The following ADAM22 variants were observed in gnomAD, a reference collection of about 807,000 sequenced individuals.
ADAM22 encodes the protein disintegrin and metalloproteinase domain-containing protein 22.
ADAM22 carries 65 observed loss-of-function variants against 144.6 expected under a neutral mutation model. The observed-to-expected ratio is 0.45, with a 90% CI of 0.37 to 0.55. ADAM22 has a LOEUF of 0.55. ADAM22 is among the 20% of genes least tolerant of loss of function. The pLI, the probability that ADAM22 is intolerant of heterozygous loss-of-function variation, is 0.00. For missense variants in ADAM22, 974 were observed against 1,184.9 expected, an observed-to-expected ratio of 0.82 and a Z score of 2.61; for synonymous variants, 391 against 412.6, an observed-to-expected ratio of 0.95 and a Z score of 0.63.
intron 3 of ADAM22, among the ~76,000 whole-genome samples, chr7:88,068,876 A>G (rs1279034979): frequency 6.6e-6 from 1 of 152,168 alleles, no homozygotes; most frequent in African/African-American, 2.4e-5. Context: ...TACATGCATG[A>G]AAATGGAATC....
At chr7:88,125,410 C>A (rs1830171222) in intron 7 of ADAM22, among the ~76,000 whole-genome samples, 179 bp from the exon 8 acceptor site, 1 of 151,868 alleles carries the variant, frequency 6.6e-6, no homozygotes, top group South Asian at 2.1e-4. Context: ...AAATTATATT[C>A]ATCCTTTATA....
In ADAM22 at chr7:88,196,786, T is replaced by C. The variant is rs1586688259; in HGVS notation, c.*295T>C. On this transcript the variant is annotated 3_prime_UTR_variant, in exon 32 of 32. Transcript: ENST00000413139. ...GCATGACAGATAATATGTAGAAATA[T>C]TCATAAAGTTAACTCACATGACCCA... The C allele has an allele frequency of 7.6e-6, 3 of 392,364 alleles. No individual in the cohort carries two copies. In the East Asian group the frequency reaches 1.4e-4, roughly 18 times the overall value. The allele number at this position is 392,364 out of a possible 1,614,324, so 24.3% of individuals were successfully genotyped here.
intron 26 of ADAM22, among the ~76,000 whole-genome samples, chr7:88,173,220 T>G (rs1268064988): frequency 5.3e-5 from 8 of 152,056 alleles, no homozygotes; most frequent in Non-Finnish European, 8.8e-5. Flanking sequence ...CATTTTCACA[T>G]GAAGAATCTC....
chr7:88,184,248 C>T (rs572957044), intron 29 of ADAM22: 9 of 278,108 alleles, frequency 3.2e-5, no homozygotes, highest in Non-Finnish European at 5.9e-5. Context: ...GATGTAAAAA[C>T]ATTTTTTGGC....
chr7:88,113,716 A>G (rs1440532703), intron 5 of ADAM22, among the ~76,000 whole-genome samples: 6 of 111,704 alleles, frequency 5.4e-5, no homozygotes, highest in African/African-American at 1.5e-4. Context: ...ATATATATAT[A>G]TATATATATA....
At chr7:87,975,166 A>G (rs1851610915) in intron 2 of ADAM22, among the ~76,000 whole-genome samples, 2 of 151,964 alleles carry the variant, frequency 1.3e-5, no homozygotes, top group Admixed American at 6.6e-5. Flanking sequence ...CCTGGATATT[A>G]CCTCCTTCTG....
chr7:88,112,189 A>G (rs899337576), intron 5 of ADAM22, among the ~76,000 whole-genome samples: 3 of 152,240 alleles, frequency 2.0e-5, no homozygotes, highest in Non-Finnish European at 4.4e-5. Flanking sequence ...TACAAACTGC[A>G]TCTGTTTATG....
chr7:88,075,679 C>G lies in ADAM22; in HGVS notation c.377C>G (p.Thr126Ser). The G allele has an allele frequency of 6.2e-7, 1 of 1,613,536 alleles. No individual in the cohort carries two copies. The highest frequency in any genetic ancestry group is 8.5e-7 in the Non-Finnish European group (1 of 1,179,794). The change falls in exon 4 of 32, where the codon ACT becomes AGT. Residue 126 changes from threonine (T) to serine (S), a missense_variant. This residue lies in a region of ADAM22 where 240 missense variants were observed against 234.3 expected (regional missense o/e 1.02). Transcript: ENST00000413139. ...AGACACATTGAACATGGAGGCAAGA[C>G]TGTGGAAGTTAAAGTAAGTGAAATT... Reference protein sequence around the residue: ...IERHIEHGGKTVEVKGGEHCY... With the variant: ...IERHIEHGGKSVEVKGGEHCY...
Position 88,172,747 on chromosome 7 carries a change from G to A in ADAM22, c.2300+1186G>A, listed in dbSNP as rs1413879735. ...CTAGAGTGACTAACTCATCATTAAT[G>A]GAAAAAGTAAAACTGGGACAAAATT... is the stretch of plus-strand genomic sequence containing the variant. On this transcript the variant is annotated intron_variant, in intron 26 of 31. Coordinates refer to ENST00000413139, the MANE Select transcript of ADAM22 (RefSeq NM_001324418.2). 2.6e-5 allele frequency among the ~76,000 whole-genome samples: 4 copies of A among 151,880 alleles called. No homozygotes were observed. In the East Asian group the frequency reaches 7.7e-4, roughly 29 times the overall value.
At chr7:88,136,516 C>A (rs535926562) in intron 14 of ADAM22, among the ~76,000 whole-genome samples, 7 of 152,192 alleles carry the variant, frequency 4.6e-5, no homozygotes, top group African/African-American at 1.7e-4. Flanking sequence ...AATGTACAAT[C>A]TGCTCTCCCG....
chr7:87,955,750 C>G (rs1846518492), intron 2 of ADAM22, among the ~76,000 whole-genome samples: 1 of 152,226 alleles, frequency 6.6e-6, no homozygotes, highest in African/African-American at 2.4e-5. Flanking sequence ...CAGAGGCAGG[C>G]AGGCCTCCTT....
At chr7:88,190,004 T>C (rs1023799444) in intron 30 of ADAM22, among the ~76,000 whole-genome samples, 10 of 152,126 alleles carry the variant, frequency 6.6e-5, no homozygotes, top group Admixed American at 5.9e-4. Context: ...AAAACTCACA[T>C]ATGAACACAA....
At chr7:88,104,952 T>G (rs375303948) in intron 4 of ADAM22, among the ~76,000 whole-genome samples, 17 of 152,286 alleles carry the variant, frequency 1.1e-4, no homozygotes, top group East Asian at 7.7e-4. Context: ...TGACTCCTAT[T>G]TTTTTCAAAT....
chr7:87,934,551 G>T lies in ADAM22; in HGVS notation c.85+1G>T. On this transcript the variant is annotated splice_donor_variant, in intron 1 of 31. Transcript: ENST00000413139. LOFTEE classifies it high-confidence loss of function. ...CCTCCGGCGCGCTGCGGCCAGGCAGGTAAGTTAGCCGTCCTCTGTGCCTTT... is the reference window on the plus strand; with the variant it reads ...CCTCCGGCGCGCTGCGGCCAGGCAGTTAAGTTAGCCGTCCTCTGTGCCTTT... 1 of 1,606,524 alleles carries T rather than the reference G, an allele frequency of 6.2e-7. No homozygotes were observed. The highest frequency in any genetic ancestry group is 8.5e-7 in the Non-Finnish European group (1 of 1,179,136).
At position 88,199,132 on chromosome 7, in the gene ADAM22, G is replaced by A. The variant is rs1241733851; in HGVS notation, c.*2641G>A. 7 of 152,170 alleles carry A rather than the reference G, an allele frequency of 4.6e-5. No homozygotes were observed. The highest frequency in any genetic ancestry group is 7.3e-5 in the Non-Finnish European group (5 of 68,038). The allele number at this position is 152,170 out of a possible 1,614,324, so 9.4% of individuals were successfully genotyped here. A position where few individuals can be genotyped will look rare whatever the true frequency, so the allele number is the denominator to read the frequency against. On this transcript the variant is annotated 3_prime_UTR_variant, in exon 32 of 32. Coordinates refer to ENST00000413139, the MANE Select transcript of ADAM22 (RefSeq NM_001324418.2). Reference sequence around the variant, plus strand: ...GACTTTTCATCCACCGAGGTAGGTAGCATTAAATATACAAGCACAGCATTA... The same window carrying A: ...GACTTTTCATCCACCGAGGTAGGTAACATTAAATATACAAGCACAGCATTA...
chr7:88,181,725 G>T, intron 28 of ADAM22, 120 bp downstream of exon 28: 1 of 897,240 alleles, frequency 1.1e-6, no homozygotes, highest in Non-Finnish European at 1.7e-6. Flanking sequence ...ACAGAGAGGA[G>T]AATATGTAGA....
intron 20 of ADAM22, among the ~76,000 whole-genome samples, chr7:88,152,613 A>G (rs1002839641): frequency 5.3e-5 from 8 of 152,146 alleles, no homozygotes; most frequent in African/African-American, 1.9e-4. Context: ...GAGATTAAAG[A>G]ATAGAGTATA....
At chr7:88,113,972 A>G (rs1238208613) in intron 5 of ADAM22, among the ~76,000 whole-genome samples, 1 of 151,702 alleles carries the variant, frequency 6.6e-6, no homozygotes, top group Non-Finnish European at 1.5e-5. Flanking sequence ...TAATTTGGCA[A>G]GTTACTTTAT....
chr7:88,004,747 TC>T (rs1793388082), intron 3 of ADAM22, among the ~76,000 whole-genome samples: 1 of 152,234 alleles, frequency 6.6e-6, no homozygotes, highest in African/African-American at 2.4e-5. Flanking sequence ...CATAATGCAC[TC>T]TAAGATTTTA....
Sources: allele counts gnomAD v4.1 joint callset (sites outside exome capture counted in the v4.1 genomes callset), GRCh38; gene constraint gnomAD v4.1.1; regional missense constraint gnomAD v4.1.1; transcripts MANE v1.5; gene names NCBI Gene and HGNC (gene_info 2026-07-23, HGNC 2026-07-21).